Variants in NRG3 observed in about 807,000 individuals in gnomAD.
NRG3 encodes pro-neuregulin-3, membrane-bound isoform.
NRG3 carries 31 observed loss-of-function variants against 66.9 expected under a neutral mutation model. The ratio of observed to expected loss-of-function variants is 0.46; its 90% CI spans 0.35 to 0.63. The LOEUF (loss-of-function observed/expected upper bound fraction) is 0.63. Among genes scored for constraint, NRG3 ranks in the 20% least tolerant of loss-of-function variants. The pLI is 0.00. For missense variants in NRG3, 910 were observed against 878.9 expected (o/e 1.04, Z -0.45); for synonymous variants, 393 against 359.4 (o/e 1.09, Z -1.06).
At chr10:82,636,079 G>C (rs2050176045) in intron 2 of NRG3, among the ~76,000 whole-genome samples, 1 of 152,114 alleles carries the variant, frequency 6.6e-6, no homozygotes, top group Non-Finnish European at 1.5e-5. Context: ...ATATATTAAA[G>C]GCAGTGAGAG....
intron 1 of NRG3, among the ~76,000 whole-genome samples, chr10:82,061,993 A>G (rs2064180175): frequency 6.6e-6 from 1 of 152,166 alleles, no homozygotes; most frequent in Admixed American, 6.5e-5. Context: ...GTGCAAATCT[A>G]TATTGGTCTT....
chr10:81,992,828 A>G (rs2133587842), intron 1 of NRG3, among the ~76,000 whole-genome samples: 1 of 152,314 alleles, frequency 6.6e-6, no homozygotes, highest in Middle Eastern at 3.4e-3. Context: ...CAGCAGATAC[A>G]AGTCCTGCAA....
intron 2 of NRG3, among the ~76,000 whole-genome samples, chr10:82,532,109 C>T (rs560851684): frequency 6.6e-6 from 1 of 151,864 alleles, no homozygotes; most frequent in South Asian, 2.1e-4. Flanking sequence ...GGATATCCAT[C>T]GCCTGAAGCA....
At chr10:82,430,285 TCTCG>T (rs1306100201) in intron 2 of NRG3, among the ~76,000 whole-genome samples, 1 of 151,844 alleles carries the variant, frequency 6.6e-6, no homozygotes, top group Non-Finnish European at 1.5e-5. Flanking sequence ...TGAGATGGAG[TCTCG>T]CTCTGTCACC....
At chr10:82,296,331 C>G (rs979442989) in intron 1 of NRG3, among the ~76,000 whole-genome samples, 6 of 152,120 alleles carry the variant, frequency 3.9e-5, no homozygotes, top group African/African-American at 1.4e-4. Context: ...GACATGATCT[C>G]TTTTGTATCT....
At chr10:82,959,199 C>T (rs544104624) in intron 6 of NRG3, 124 bp downstream of exon 6, 7 of 1,105,892 alleles carry the variant, frequency 6.3e-6, no homozygotes, top group African/African-American at 3.2e-5. Flanking sequence ...TTGCTTAAAT[C>T]GTTTTAACAG....
chr10:82,026,167 C>T (rs2062296596), intron 1 of NRG3, among the ~76,000 whole-genome samples: 1 of 152,034 alleles, frequency 6.6e-6, no homozygotes, highest in Non-Finnish European at 1.5e-5. Flanking sequence ...ACAATACTAG[C>T]TTTAAGATCT....
chr10:82,843,265 G>T (rs948635165), intron 3 of NRG3: 6 of 454,494 alleles, frequency 1.3e-5, no homozygotes, highest in African/African-American at 6.0e-5. Flanking sequence ...TGTCATGAGG[G>T]TTACACCCAC....
At chr10:82,852,103 A>G (rs1324808384) in intron 3 of NRG3, among the ~76,000 whole-genome samples, 2 of 152,206 alleles carry the variant, frequency 1.3e-5, no homozygotes, top group Admixed American at 6.5e-5. Flanking sequence ...GAGAAGCAGG[A>G]TAGGGCTGCA....
chr10:82,359,403 C>T (rs1245560659), intron 2 of NRG3, among the ~76,000 whole-genome samples: 1 of 152,126 alleles, frequency 6.6e-6, no homozygotes, highest in Non-Finnish European at 1.5e-5. Context: ...GAAACACTCT[C>T]CAGCAAGAAG....
At chr10:82,980,834 G>T (rs2132664094) in intron 8 of NRG3, among the ~76,000 whole-genome samples, 1 of 152,196 alleles carries the variant, frequency 6.6e-6, no homozygotes, top group Non-Finnish European at 1.5e-5. Flanking sequence ...CATTTCTCTT[G>T]GTCTTATCTG....
chr10:82,597,111 T>C (rs2047328940), intron 2 of NRG3, among the ~76,000 whole-genome samples: 1 of 152,154 alleles, frequency 6.6e-6, no homozygotes, highest in Non-Finnish European at 1.5e-5. Flanking sequence ...AAAACCCTAA[T>C]TTAAAGAAGT....
intron 1 of NRG3, among the ~76,000 whole-genome samples, chr10:82,054,736 G>A (rs1357099982): frequency 3.3e-5 from 5 of 151,764 alleles, no homozygotes; most frequent in African/African-American, 1.2e-4. Context: ...AGAAAGCCAA[G>A]GAAGAGAAGT....
intron 2 of NRG3, among the ~76,000 whole-genome samples, chr10:82,522,039 CTTTTT>C (rs71009811): frequency 4.1e-5 from 4 of 97,742 alleles, no homozygotes; most frequent in African/African-American, 1.1e-4. Context: ...CCGCTGAAGT[CTTTTT>C]TTTTTTTTTT....
intron 2 of NRG3, among the ~76,000 whole-genome samples, chr10:82,507,756 T>G (rs2132414086): frequency 6.6e-6 from 1 of 152,280 alleles, no homozygotes; most frequent in Middle Eastern, 3.4e-3. Flanking sequence ...CATGCCTGTT[T>G]CTCCTCTGTG....
intron 1 of NRG3, among the ~76,000 whole-genome samples, chr10:81,893,553 A>G (rs932255481): frequency 1.3e-5 from 2 of 152,292 alleles, no homozygotes; most frequent in East Asian, 3.9e-4. Flanking sequence ...GATTAGTGTC[A>G]AAATGCTGAT....
chr10:81,927,610 A>G (rs1021045339), intron 1 of NRG3, among the ~76,000 whole-genome samples: 1 of 152,102 alleles, frequency 6.6e-6, no homozygotes, highest in Admixed American at 6.6e-5. Context: ...TGTGTCTTCG[A>G]TTTACAAAAA....
intron 4 of NRG3, among the ~76,000 whole-genome samples, chr10:82,877,871 G>T (rs1331136859): frequency 6.6e-6 from 1 of 152,134 alleles, no homozygotes; most frequent in Non-Finnish European, 1.5e-5. Context: ...AAAACATTAG[G>T]TTCTGTACCT....
At chr10:82,355,054 A>G (rs1053747826) in intron 1 of NRG3, among the ~76,000 whole-genome samples, 4 of 152,236 alleles carry the variant, frequency 2.6e-5, no homozygotes, top group Admixed American at 2.0e-4. Flanking sequence ...TTGATTAAGT[A>G]CATGCCAAAA....
Sources: allele counts gnomAD v4.1 joint callset (sites outside exome capture counted in the v4.1 genomes callset), GRCh38; gene constraint gnomAD v4.1.1; transcripts MANE v1.5; gene names NCBI Gene and HGNC (gene_info 2026-07-23, HGNC 2026-07-21).